The following RAB37 variants were observed in gnomAD, a reference collection of about 807,000 sequenced individuals.
RAB37 encodes the protein ras-related protein Rab-37.
RAB37 carries 29 observed loss-of-function variants against 33.1 expected under a neutral mutation model. That is an observed-to-expected ratio of 0.88 (90% CI 0.65 to 1.20). The LOEUF (loss-of-function observed/expected upper bound fraction) is 1.20. RAB37 is among the 50% of genes most tolerant of loss of function. RAB37 has a pLI of 0.00. For missense variants in RAB37, 299 were observed against 301.1 expected, an observed-to-expected ratio of 0.99 and a Z score of 0.05; for synonymous variants, 128 against 119.5, an observed-to-expected ratio of 1.07 and a Z score of -0.47.
At chr17:74,704,861 C>A in intron 1 of RAB37, 1 of 1,463,610 alleles carries the variant, frequency 6.8e-7, no homozygotes. Context: ...ACCCCAAGGG[C>A]AGGGCCACAG....
At chr17:74,680,828 A>G (rs2031940131) in intron 1 of RAB37, among the ~76,000 whole-genome samples, 1 of 92,556 alleles carries the variant, frequency 1.1e-5, no homozygotes, top group Admixed American at 9.2e-5. Flanking sequence ...TTGTCATTTC[A>G]TACTTCTTCC....
chr17:74,674,326 C>A (rs1330803990), intron 1 of RAB37, among the ~76,000 whole-genome samples: 1 of 150,950 alleles, frequency 6.6e-6, no homozygotes, highest in African/African-American at 2.4e-5. Context: ...AAGAGATCCA[C>A]CCGCTCGGCC....
intron 1 of RAB37, among the ~76,000 whole-genome samples, chr17:74,718,956 G>A (rs1455957363): frequency 6.6e-6 from 1 of 152,160 alleles, no homozygotes; most frequent in Non-Finnish European, 1.5e-5. Flanking sequence ...TAAAAAGTAT[G>A]GCAGTGGAGG....
intron 1 of RAB37, among the ~76,000 whole-genome samples, chr17:74,713,423 A>G (rs2034094454): frequency 6.6e-6 from 1 of 152,068 alleles, no homozygotes; most frequent in Admixed American, 6.6e-5. Context: ...ACCTCTCTGT[A>G]CACAGCCACC....
intron 2 of RAB37, 100 bp downstream of exon 2, chr17:74,740,978 TCCC>T: frequency 4.6e-6 from 4 of 867,802 alleles, no homozygotes; most frequent in Non-Finnish European, 5.8e-6. Flanking sequence ...TCCCAGGGAC[TCCC>T]GAGGCTCATG....
chr17:74,720,024 C>T (rs2034218311), intron 1 of RAB37, among the ~76,000 whole-genome samples: 1 of 152,154 alleles, frequency 6.6e-6, no homozygotes, highest in Non-Finnish European at 1.5e-5. Flanking sequence ...CATCACTCTG[C>T]CCCCTGCTTC....
chr17:74,678,380 A>G (rs1353351093), intron 1 of RAB37, among the ~76,000 whole-genome samples: 1 of 152,142 alleles, frequency 6.6e-6, no homozygotes, highest in Non-Finnish European at 1.5e-5. Flanking sequence ...TGGTGCAGTG[A>G]AAATAACTTG....
chr17:74,737,601 T>C (rs894741574), intron 1 of RAB37, among the ~76,000 whole-genome samples: 1 of 152,030 alleles, frequency 6.6e-6, no homozygotes, highest in African/African-American at 2.4e-5. Flanking sequence ...CGGCCCCAAC[T>C]CAGTTCTCTT....
At chr17:74,735,235 G>C (rs1282849943), upstream of RAB37, among the ~76,000 whole-genome samples, 1 of 151,336 alleles carries the variant, frequency 6.6e-6, no homozygotes, top group Non-Finnish European at 1.5e-5. Flanking sequence ...GGGAGGGAAG[G>C]GGAGAGAAAA....
At chr17:74,737,172 TC>T (rs574828493), upstream of RAB37, 128 of 1,148,718 alleles carry the variant, frequency 1.1e-4, no homozygotes, top group East Asian at 6.7e-3. Flanking sequence ...GCCTGAGGGG[TC>T]CCGGTCGAGG....
intron 1 of RAB37, among the ~76,000 whole-genome samples, chr17:74,724,299 A>G (rs762598486): frequency 1.3e-5 from 2 of 152,202 alleles, no homozygotes; most frequent in African/African-American, 2.4e-5. Flanking sequence ...ACATGGAGGG[A>G]GCTTCCAGAT....
intron 1 of RAB37, among the ~76,000 whole-genome samples, chr17:74,720,756 G>C (rs572318117): frequency 8.3e-4 from 126 of 152,276 alleles, no homozygotes; most frequent in Non-Finnish European, 1.5e-3. Flanking sequence ...GAGAGCCAGG[G>C]TGACAGCCTT....
At chr17:74,712,593 A>G (rs543043158) in intron 1 of RAB37, among the ~76,000 whole-genome samples, 1 of 152,308 alleles carries the variant, frequency 6.6e-6, no homozygotes, top group South Asian at 2.1e-4. Context: ...ATTTCACATG[A>G]TCAGCCCCTG....
chr17:74,702,455 A>G (rs553148567), intron 1 of RAB37, among the ~76,000 whole-genome samples: 1 of 152,340 alleles, frequency 6.6e-6, no homozygotes, highest in South Asian at 2.1e-4. Context: ...AAGGTCAAAG[A>G]AAACAAAATA....
chr17:74,706,764 G>A (rs559602479), intron 1 of RAB37, among the ~76,000 whole-genome samples: 27 of 152,288 alleles, frequency 1.8e-4, no homozygotes, highest in African/African-American at 6.0e-4. Context: ...CCTGGGAAGG[G>A]GTGAGGACCA....
chr17:74,727,702 G>A (rs1277078106), intron 1 of RAB37, among the ~76,000 whole-genome samples: 1 of 152,242 alleles, frequency 6.6e-6, no homozygotes, highest in Non-Finnish European at 1.5e-5. Flanking sequence ...ACATTCTCAT[G>A]GTCACTTCAG....
At chr17:74,674,802 T>G (rs564572695) in intron 1 of RAB37, among the ~76,000 whole-genome samples, 1 of 152,342 alleles carries the variant, frequency 6.6e-6, no homozygotes. Flanking sequence ...TAGAACCTTG[T>G]CAGCTTCCCA....
intron 1 of RAB37, among the ~76,000 whole-genome samples, chr17:74,691,047 T>A (rs1317026274): frequency 6.6e-6 from 1 of 152,144 alleles, no homozygotes. Context: ...GCCTCCCAAG[T>A]AGCTGGGACC....
Position 74,742,611 on chromosome 17 carries a change from T to TC in RAB37, c.246+317dup, listed in dbSNP as rs1364904043. Reference sequence around the variant, plus strand: ...CCTGAGCTAGGGGAGAGGAGAAGATTCTTTTTTTTTCTTTTCTTTTCTTTT... The same window carrying TC: ...CCTGAGCTAGGGGAGAGGAGAAGATTCCTTTTTTTTTCTTTTCTTTTCTTTT... On this transcript the variant is annotated intron_variant, in intron 3 of 8. Transcript: ENST00000392613. This position sits in a 1 kb window ranked among gnomAD's most constrained non-coding sequence, Gnocchi z 4.0. Among the ~76,000 whole-genome samples the TC allele has an allele frequency of 1.3e-5, 2 of 151,758 alleles. No homozygotes were observed. The highest frequency in any genetic ancestry group is 2.4e-5 in the African/African-American group (1 of 41,228).
Sources: gnomAD v4.1 joint callset for allele counts (sites outside exome capture counted in the v4.1 genomes callset) on GRCh38, gnomAD v4.1.1 for gene constraint, Gnocchi (gnomAD v3.1) non-coding constraint, MANE v1.5 for transcripts, NCBI Gene and HGNC (gene_info 2026-07-23, HGNC 2026-07-21) for gene names.